The following AZIN2 variants were observed in gnomAD, a reference collection of about 807,000 sequenced individuals.
AZIN2 encodes antizyme inhibitor 2, also known as ODC antizyme inhibitor-2.
AZIN2 carries 28 observed loss-of-function variants against 47.8 expected under a neutral mutation model. The ratio of observed to expected loss-of-function variants is 0.59; its 90% confidence interval spans 0.43 to 0.80. The LOEUF is 0.80. Among genes scored for constraint, AZIN2 ranks in the 30% least tolerant of loss-of-function variants. The pLI is 0.00. For missense variants in AZIN2, 535 were observed against 582.5 expected, an observed-to-expected ratio of 0.92 and a Z score of 0.84; for synonymous variants, 221 against 239.4, an observed-to-expected ratio of 0.92 and a Z score of 0.71.
downstream of AZIN2, among the ~76,000 whole-genome samples, chr1:33,128,430 A>G (rs868462903): frequency 6.6e-6 from 1 of 152,206 alleles, no homozygotes; most frequent in Admixed American, 6.5e-5. Context: ...CACCTGACAC[A>G]TGGTAACCAC....
intron 4 of AZIN2, chr1:33,082,837 A>G (rs1641439059): frequency 1.3e-5 from 2 of 159,416 alleles, no homozygotes; most frequent in Admixed American, 5.8e-5. Context: ...CCCTGCCTCC[A>G]TAGCCCCATT....
intron 5 of AZIN2, among the ~76,000 whole-genome samples, chr1:33,085,231 CAAA>C (rs113297919): frequency 8.4e-4 from 66 of 78,350 alleles, no homozygotes; most frequent in African/African-American, 2.4e-3. Context: ...AGCTTGTTTA[CAAA>C]AAAAAAAAAA....
At chr1:33,091,356 C>T (rs948679152) in intron 5 of AZIN2, among the ~76,000 whole-genome samples, 4 of 152,156 alleles carry the variant, frequency 2.6e-5, no homozygotes, top group Admixed American at 2.6e-4. Context: ...TCTCCTGCCT[C>T]AGCCTCCTGA....
At chr1:33,128,299 C>T (rs943281766), downstream of AZIN2, among the ~76,000 whole-genome samples, 3 of 151,888 alleles carry the variant, frequency 2.0e-5, no homozygotes, top group East Asian at 5.8e-4. Context: ...ATTGCTTGAG[C>T]CTGGGAGGTC....
chr1:33,114,247 T>C (rs1644416155), intron 10 of AZIN2, among the ~76,000 whole-genome samples: 1 of 150,736 alleles, frequency 6.6e-6, no homozygotes, highest in Non-Finnish European at 1.5e-5. Context: ...GCCTCCTGAG[T>C]AGCTGAGATT....
chr1:33,095,022 C>G (rs1393643816), intron 8 of AZIN2, among the ~76,000 whole-genome samples: 2 of 152,208 alleles, frequency 1.3e-5, no homozygotes, highest in Non-Finnish European at 2.9e-5. Flanking sequence ...CGGGATAGGC[C>G]TCTTCACCCT....
chr1:33,092,556 G>A (rs1642681210), intron 6 of AZIN2, among the ~76,000 whole-genome samples: 1 of 152,184 alleles, frequency 6.6e-6, no homozygotes, highest in Non-Finnish European at 1.5e-5. Flanking sequence ...AGAGAGTCGA[G>A]GGAGTGGTCA....
chr1:33,099,611 T>TC (rs1643498014), intron 10 of AZIN2, among the ~76,000 whole-genome samples: 1 of 152,160 alleles, frequency 6.6e-6, no homozygotes, highest in South Asian at 2.1e-4. Flanking sequence ...GAGATGATGG[T>TC]CCCAGCCCAC....
chr1:33,089,933 T>C (rs1642346861), intron 5 of AZIN2, among the ~76,000 whole-genome samples: 1 of 152,164 alleles, frequency 6.6e-6, no homozygotes, highest in African/African-American at 2.4e-5. Flanking sequence ...CAGACTTGAG[T>C]TCGAAAGTTC....
chr1:33,148,952 T>C, the AZIN2 span, among the ~76,000 whole-genome samples: 3 of 152,152 alleles, frequency 2.0e-5, no homozygotes, highest in Non-Finnish European at 4.4e-5. Context: ...CAGTCCTTTC[T>C]CCCAGCCAAC....
At chr1:33,141,992 C>T in the AZIN2 span, 1 of 152,732 alleles carries the variant, frequency 6.5e-6, no homozygotes, top group South Asian at 2.1e-4. Context: ...CTGTGCCTCC[C>T]TTTTGTGGTT....
the AZIN2 span, among the ~76,000 whole-genome samples, chr1:33,134,182 G>A: frequency 6.6e-5 from 10 of 152,342 alleles, no homozygotes; most frequent in South Asian, 6.2e-4. Context: ...CACCTGGCAC[G>A]TGGCAGTCCC....
the AZIN2 span, chr1:33,143,345 A>C: frequency 1.3e-5 from 2 of 152,302 alleles, no homozygotes; most frequent in East Asian, 1.9e-4. Context: ...GGAATGCGCC[A>C]TGGAGGGGGT....
the AZIN2 span, among the ~76,000 whole-genome samples, chr1:33,158,756 T>C: frequency 6.6e-6 from 1 of 152,230 alleles, no homozygotes. Flanking sequence ...CACAGAGACC[T>C]AGGCTTGAAT....
At chr1:33,102,731 A>G (rs912800546) in intron 10 of AZIN2, among the ~76,000 whole-genome samples, 1 of 152,110 alleles carries the variant, frequency 6.6e-6, no homozygotes, top group African/African-American at 2.4e-5. Flanking sequence ...CTTCCATACT[A>G]TCATCACTCC....
At chr1:33,165,283 G>T in the AZIN2 span, 1 of 523,982 alleles carries the variant, frequency 1.9e-6, no homozygotes. This position sits in a 1 kb window ranked among gnomAD's most constrained non-coding sequence, Gnocchi z 4.0. Flanking sequence ...GGTGGGTGCC[G>T]CCCCATTGAA....
At chr1:33,125,666 A>T (rs1165415152), downstream of AZIN2, among the ~76,000 whole-genome samples, 1 of 152,230 alleles carries the variant, frequency 6.6e-6, no homozygotes, top group Non-Finnish European at 1.5e-5. Context: ...GGCAAGAATC[A>T]TATGGTCAAA....
the AZIN2 span, chr1:33,163,133 G>A: frequency 6.6e-6 from 1 of 152,054 alleles, no homozygotes; most frequent in Non-Finnish European, 1.5e-5. Flanking sequence ...CCACCTCCTG[G>A]GTTCAAGCAA....
chr1:33,154,845 G>A, the AZIN2 span, among the ~76,000 whole-genome samples: 1 of 150,852 alleles, frequency 6.6e-6, no homozygotes. Context: ...TGTAATCCCA[G>A]CACTTTGGGA....
Sources: allele counts gnomAD v4.1 joint callset (sites outside exome capture counted in the v4.1 genomes callset), GRCh38; gene constraint gnomAD v4.1.1; non-coding constraint Gnocchi (gnomAD v3.1); transcripts MANE v1.5; gene names NCBI Gene and HGNC (gene_info 2026-07-23, HGNC 2026-07-21).